The following BMPR2 variants were observed in gnomAD, a reference collection of about 807,000 sequenced individuals.
BMPR2 encodes the protein bone morphogenetic protein receptor type-2.
In BMPR2, 29 loss-of-function variants were observed where a neutral mutation model predicts 100.8. The ratio of observed to expected loss-of-function variants is 0.29; its 90% CI spans 0.21 to 0.39. The LOEUF is 0.39. Among genes scored for constraint, BMPR2 ranks in the 10% least tolerant of loss-of-function variants. The probability of loss-of-function intolerance (pLI) is 1.00; values close to 1 mark genes in which losing one functional copy is unlikely to be tolerated. For synonymous variants in BMPR2, 382 were observed against 442.3 expected, an observed-to-expected ratio of 0.86 and a Z score of 1.71; for missense variants, 1,011 against 1,274.5, an observed-to-expected ratio of 0.79 and a Z score of 3.15.
intron 3 of BMPR2, among the ~76,000 whole-genome samples, chr2:202,483,465 T>G (rs1650137854): frequency 6.6e-6 from 1 of 151,840 alleles, no homozygotes; most frequent in South Asian, 2.1e-4. Context: ...CACTGCAATC[T>G]CCGCCCCCCA....
At chr2:202,474,964 A>T (rs1393002479) in intron 3 of BMPR2, 1 of 152,216 alleles carries the variant, frequency 6.6e-6, no homozygotes, top group Non-Finnish European at 1.5e-5. Context: ...GCAAGGAAAA[A>T]AATAATCTCC....
At chr2:202,524,922 T>TC (rs1687881507) in intron 7 of BMPR2, among the ~76,000 whole-genome samples, 1 of 151,054 alleles carries the variant, frequency 6.6e-6, no homozygotes, top group Admixed American at 6.6e-5. Context: ...GTGCCTGTAA[T>TC]CCCAGGTGCT....
chr2:202,406,415 C>CT (rs1690892960), intron 1 of BMPR2, among the ~76,000 whole-genome samples: 1 of 152,114 alleles, frequency 6.6e-6, no homozygotes, highest in African/African-American at 2.4e-5. Context: ...CAGGAGGATG[C>CT]TAGGCTTTAT....
chr2:202,449,141 T>C (rs1326552593), intron 1 of BMPR2, among the ~76,000 whole-genome samples: 3 of 151,628 alleles, frequency 2.0e-5, no homozygotes, highest in African/African-American at 7.3e-5. Flanking sequence ...AAACCCTGTC[T>C]CTACTAAAAA....
intron 1 of BMPR2, among the ~76,000 whole-genome samples, chr2:202,430,384 A>T (rs1691479683): frequency 6.6e-6 from 1 of 152,152 alleles, no homozygotes; most frequent in Non-Finnish European, 1.5e-5. Context: ...TAGATTACAC[A>T]TTTCTTGAGA....
At chr2:202,398,986 G>T (rs1690707392) in intron 1 of BMPR2, among the ~76,000 whole-genome samples, 1 of 152,114 alleles carries the variant, frequency 6.6e-6, no homozygotes, top group Non-Finnish European at 1.5e-5. Context: ...AAATTAGCTG[G>T]CCATGGTGGC....
chr2:202,555,226 T>A, intron 11 of BMPR2, 26 bp from the exon 12 acceptor site: 1 of 1,591,392 alleles, frequency 6.3e-7, no homozygotes, highest in Non-Finnish European at 8.6e-7. Flanking sequence ...ACGTTCTCAA[T>A]GTGATACTTT....
rs1461639902 is a variant in BMPR2, at chr2:202,556,154, T to C, written c.2489T>C (p.Val830Ala). 1.9e-6 allele frequency: 3 copies of C among 1,612,532 alleles called. No homozygotes were observed. Among genetic ancestry groups the C allele is most frequent in the Non-Finnish European group, 2.5e-6 (3 of 1,178,702 alleles). ...AATTQYANGT[V>A]LSGQTTNIVT... is the part of the protein sequence containing the mutation. ...ACAACCCAATATGCCAATGGGACAG[T>C]ACTATCTGGCCAAACAACCAACATA... The change falls in exon 12 of 13, where the codon GTA (valine) becomes GCA (alanine). Residue 830 changes from valine (V) to alanine (A), a missense_variant. Val to Ala is a moderately conservative substitution (Grantham distance 64). This residue lies in a region of BMPR2 where 508 missense variants were observed against 552.0 expected (regional missense o/e 0.92). Transcript: ENST00000374580.
chr2:202,520,065 T>TTTC, intron 6 of BMPR2, 22 bp from the exon 7 acceptor site: 11 of 1,485,900 alleles, frequency 7.4e-6, no homozygotes, highest in Non-Finnish European at 9.3e-6. Flanking sequence ...TTTTTTTTTT[T>TTTC]CGCATTTTTT....
At chr2:202,384,612 C>T (rs1007326252) in intron 1 of BMPR2, among the ~76,000 whole-genome samples, 2 of 114,484 alleles carry the variant, frequency 1.7e-5, no homozygotes, top group South Asian at 5.5e-4. Flanking sequence ...TTCTTTCTTT[C>T]GACGGAGTTT....
intron 3 of BMPR2, among the ~76,000 whole-genome samples, chr2:202,489,299 G>A (rs1692848852): frequency 6.6e-6 from 1 of 152,084 alleles, no homozygotes; most frequent in African/African-American, 2.4e-5. Context: ...CACCACGCCC[G>A]GCCTTTGTTG....
At chr2:202,464,695 A>C in intron 1 of BMPR2, 114 bp from the exon 2 acceptor site, 2 of 967,082 alleles carry the variant, frequency 2.1e-6, no homozygotes, top group Non-Finnish European at 3.0e-6. Flanking sequence ...TAAAGATTTC[A>C]GTTCAAATAA....
intron 8 of BMPR2, among the ~76,000 whole-genome samples, chr2:202,531,536 T>C (rs1688028303): frequency 6.6e-6 from 1 of 152,204 alleles, no homozygotes; most frequent in Non-Finnish European, 1.5e-5. Context: ...TAATCACCAT[T>C]ACAGTGTGGA....
intron 1 of BMPR2, among the ~76,000 whole-genome samples, chr2:202,463,754 T>G (rs1486576599): frequency 2.0e-5 from 3 of 152,192 alleles, no homozygotes; most frequent in East Asian, 3.8e-4. Context: ...TTAAATCGGA[T>G]TATGTGTGTG....
intron 3 of BMPR2, among the ~76,000 whole-genome samples, chr2:202,474,287 C>G (rs1320944102): frequency 6.6e-6 from 1 of 151,780 alleles, no homozygotes; most frequent in Non-Finnish European, 1.5e-5. Flanking sequence ...AACCCCATCT[C>G]TACTAAAAAT....
chr2:202,443,644 A>G (rs1184221871), intron 1 of BMPR2, among the ~76,000 whole-genome samples: 2 of 147,872 alleles, frequency 1.4e-5, no homozygotes, highest in Admixed American at 6.7e-5. Flanking sequence ...GCTGACTACA[A>G]CCTCCACCTC....
chr2:202,566,308 G>T lies in BMPR2; in HGVS notation c.*6362G>T, dbSNP rs1688762424. 6.6e-6 allele frequency: 1 copy of T among 152,562 alleles called. No homozygotes were observed. The highest frequency in any genetic ancestry group is 1.5e-5 in the Non-Finnish European group (1 of 68,002). The allele number at this position is 152,562 out of a possible 1,614,324, so 9.5% of individuals were successfully genotyped here. A position where few individuals can be genotyped will look rare whatever the true frequency, so the allele number is the denominator to read the frequency against. On this transcript the variant is annotated 3_prime_UTR_variant, in exon 13 of 13. Transcript: ENST00000374580. ...TTTCATCCCTTTGTACACTGAAAAA[G>T]TTCAATTGTTAGCAAGTAAGCAATT...
rs1312478360 is a variant in BMPR2 at position 202,542,462 on chromosome 2, A to G, written c.1413+15A>G. 6.2e-7 allele frequency: 1 copy of G among 1,613,312 alleles called. No homozygotes were observed. Among genetic ancestry groups the G allele is most frequent in the East Asian group, 2.2e-5 (1 of 44,850 alleles). On this transcript the variant is annotated intron_variant, in intron 10 of 12. Coordinates refer to ENST00000374580, the MANE Select transcript of BMPR2 (RefSeq NM_001204.7). ...AAAATAGCCTGGTAAGAAAAAACTAAGTTATTAAAGAGAGGACTTATGACT... is the reference window on the plus strand; with the variant it reads ...AAAATAGCCTGGTAAGAAAAAACTAGGTTATTAAAGAGAGGACTTATGACT...
At position 202,495,351 on chromosome 2, in the gene BMPR2, C is replaced by T. The variant is rs115187557; in HGVS notation, c.419-18368C>T. ...CCGCTTGGTGGCCAGGGCTCTCCTC[C>T]GTCTGCCCCAGCCAAACTCCGCGTC... On this transcript the variant is annotated intron_variant, in intron 3 of 12. Coordinates refer to ENST00000374580, the MANE Select transcript of BMPR2 (RefSeq NM_001204.7). The surrounding 1 kb of genome is among the most constrained non-coding windows in gnomAD (Gnocchi z 4.5). Among the ~76,000 whole-genome samples, 14,953 of 152,234 alleles carry T rather than the reference C, an allele frequency of 0.098. 984 individuals are homozygous for T. Among genetic ancestry groups the T allele is most frequent in the South Asian group, 0.25 (1,179 of 4,808 alleles).
Sources: allele counts gnomAD v4.1 joint callset (sites outside exome capture counted in the v4.1 genomes callset), GRCh38; gene constraint gnomAD v4.1.1; regional missense constraint gnomAD v4.1.1; non-coding constraint Gnocchi (gnomAD v3.1); transcripts MANE v1.5; gene names NCBI Gene and HGNC (gene_info 2026-07-23, HGNC 2026-07-21).